The following HTRA4 variants were observed in gnomAD, a reference collection of about 807,000 sequenced individuals.
HTRA4 encodes the protein HtrA serine peptidase 4.
In HTRA4, 46 loss-of-function variants were observed where a neutral mutation model predicts 49.1. That is an observed-to-expected ratio of 0.94 (90% CI 0.74 to 1.20). The LOEUF (loss-of-function observed/expected upper bound fraction) is 1.20. Among genes scored for constraint, HTRA4 ranks in the 50% most tolerant of loss-of-function variants. HTRA4 has a pLI of 0.00. For missense variants in HTRA4, 602 were observed against 636.9 expected (o/e 0.95, Z 0.59); for synonymous variants, 261 against 264.0 (o/e 0.99, Z 0.11).
chr8:38,985,534 C>T (rs1439368068), intron 8 of HTRA4, among the ~76,000 whole-genome samples: 2 of 152,208 alleles, frequency 1.3e-5, no homozygotes, highest in Non-Finnish European at 2.9e-5. Context: ...TATGGCACCA[C>T]TTTCACTGGG....
At position 38,974,447 on chromosome 8, in the gene HTRA4, G is replaced by C. The variant is rs1054619678; in HGVS notation, c.184G>C (p.Val62Leu). The stretch of plus-strand genomic sequence containing the variant: ...CACCTGCGCGCTGGGGACCACGCCG[G>C]TGTTCGACCTGTGCCGCTGTTGCCG... Reference protein sequence around the residue: ...LPTCALGTTPVFDLCRCCRVC... With the variant: ...LPTCALGTTPLFDLCRCCRVC... The change falls in exon 1 of 9, where the codon GTG (valine) becomes CTG (leucine). Residue 62 changes from valine to leucine, a missense_variant. Physicochemically the swap from Val to Leu is conservative, Grantham distance 32. Coordinates refer to ENST00000302495, the MANE Select transcript of HTRA4 (RefSeq NM_153692.4). 1.4e-5 allele frequency: 21 copies of C among 1,542,230 alleles called. No individual in the cohort carries two copies. The highest frequency in any genetic ancestry group is 1.8e-5 in the Non-Finnish European group (21 of 1,148,284).
chr8:38,983,069 T>C lies in HTRA4; in HGVS notation c.1268+21T>C, dbSNP rs200212415. The stretch of plus-strand genomic sequence containing the variant: ...CAAAGGTAAGAGAAGTGAAGGCCTT[T>C]GTCATCTACCTTTGCTTTTTCTAAA... On this transcript the variant is annotated intron_variant, in intron 8 of 8. Transcript: ENST00000302495. 6.2e-5 allele frequency: 95 copies of C among 1,528,828 alleles called. No individual in the cohort carries two copies. The African/African-American group carries it at 1.1e-3, about 18-fold the overall frequency. The allele number at this position is 1,528,828 out of a possible 1,614,324, so 94.7% of individuals were successfully genotyped here.
At chr8:38,978,206 G>A in intron 4 of HTRA4, 59 bp downstream of exon 4, 3 of 1,431,774 alleles carry the variant, frequency 2.1e-6, no homozygotes, top group Non-Finnish European at 2.8e-6. Context: ...ACAGGTCCAT[G>A]GCCTGTTAGG....
chr8:38,976,887 TTTTA>T, intron 3 of HTRA4, 148 bp downstream of exon 3: 1 of 761,232 alleles, frequency 1.3e-6, no homozygotes, highest in Non-Finnish European at 2.1e-6. Flanking sequence ...TTACTCCCTC[TTTTA>T]TTTATTTGCT....
chr8:38,976,377 A>C (rs1168121463), intron 2 of HTRA4, among the ~76,000 whole-genome samples, 158 bp from the exon 3 acceptor site: 1 of 152,190 alleles, frequency 6.6e-6, no homozygotes, highest in African/African-American at 2.4e-5. Context: ...CAGCTTGGGC[A>C]ACAGAGCGAG....
intron 6 of HTRA4, 134 bp from the exon 7 acceptor site, chr8:38,982,364 T>C: frequency 1.4e-6 from 1 of 711,276 alleles, no homozygotes; most frequent in Non-Finnish European, 2.4e-6. Flanking sequence ...AAAGGTTCTC[T>C]GAAGCCTGTG....
chr8:38,974,602 G>A lies in HTRA4; in HGVS notation c.339G>A (p.Gly113=). Residue 113 remains glycine (G), a synonymous_variant, in exon 1 of 9, where the codon GGG becomes GGA. Coordinates refer to ENST00000302495, the MANE Select transcript of HTRA4 (RefSeq NM_153692.4). ...PSTCGCPTLG[G]AVCGSDRRTY... ...CCTGCGGTTGCCCGACGCTGGGAGG[G>A]GCCGTGTGCGGCAGCGACAGGCGCA... 1 of 1,425,924 alleles carries A rather than the reference G, an allele frequency of 7.0e-7. No individual in the cohort carries two copies. The highest frequency in any genetic ancestry group is 9.1e-7 in the Non-Finnish European group (1 of 1,096,570). 88.3% of individuals were successfully genotyped at this position (1,425,924 alleles called of 1,614,324 possible).
intron 6 of HTRA4, among the ~76,000 whole-genome samples, chr8:38,982,034 G>C (rs1425989666): frequency 6.6e-6 from 1 of 152,036 alleles, no homozygotes; most frequent in African/African-American, 2.4e-5. Context: ...TTTCAGTAGA[G>C]ACGGGGTTTC....
intron 5 of HTRA4, among the ~76,000 whole-genome samples, chr8:38,979,997 A>C (rs891453742): frequency 1.3e-5 from 2 of 152,068 alleles, no homozygotes; most frequent in Non-Finnish European, 2.9e-5. Context: ...TATAGATGAG[A>C]GAAAAGCCAC....
At chr8:38,985,922 A>G (rs1219107285) in intron 8 of HTRA4, among the ~76,000 whole-genome samples, 2 of 152,228 alleles carry the variant, frequency 1.3e-5, no homozygotes, top group Non-Finnish European at 2.9e-5. Context: ...AGGACTGGGC[A>G]TGGTGGCTCA....
chr8:38,980,653 G>A (rs1040104118), intron 5 of HTRA4, among the ~76,000 whole-genome samples: 1 of 151,654 alleles, frequency 6.6e-6, no homozygotes, highest in East Asian at 1.9e-4. Context: ...CAGGAGAATC[G>A]CTTGAACCCG....
chr8:38,982,859 CT>C (rs1564180571), intron 7 of HTRA4, 93 bp from the exon 8 acceptor site: 1 of 806,580 alleles, frequency 1.2e-6, no homozygotes, highest in Non-Finnish European at 2.0e-6. Context: ...CCTTGTGAAC[CT>C]TGAGCAGAAC....
rs1445729323 is a variant in HTRA4, at chr8:38,974,497, A to C, written c.234A>C (p.Glu78Asp). 6.7e-7 allele frequency: 1 copy of C among 1,503,634 alleles called. No homozygotes were observed. Among genetic ancestry groups the C allele is most frequent in the East Asian group, 2.6e-5 (1 of 38,060 alleles). The allele number at this position is 1,503,634 out of a possible 1,614,324, so 93.1% of individuals were successfully genotyped here. The change falls in exon 1 of 9, where the codon GAA (glutamate) becomes GAC (aspartate). Residue 78 changes from glutamate to aspartate, a missense_variant. Physicochemically the swap from Glu to Asp is conservative, Grantham distance 45. Transcript: ENST00000302495. ...CCRVCPAAEREVCGGAQGQPC... is the reference protein window; with the variant it reads ...CCRVCPAAERDVCGGAQGQPC... ...GCGTCTGCCCCGCGGCCGAGCGTGA[A>C]GTCTGCGGCGGGGCGCAGGGCCAAC... is the stretch of plus-strand genomic sequence containing the variant.
intron 5 of HTRA4, among the ~76,000 whole-genome samples, chr8:38,979,589 T>G (rs1000470868): frequency 6.6e-6 from 1 of 152,224 alleles, no homozygotes; most frequent in Admixed American, 6.5e-5. Flanking sequence ...CTGAGAACAC[T>G]AGGGTTCTAG....
At chr8:38,981,082 T>G (rs1020494845) in intron 5 of HTRA4, among the ~76,000 whole-genome samples, 11 of 128,080 alleles carry the variant, frequency 8.6e-5, no homozygotes, top group Middle Eastern at 3.7e-3. Flanking sequence ...TTTTTTTTTT[T>G]TTTTTTTTTT....
At position 38,975,085 on chromosome 8, in the gene HTRA4, T is replaced by A. The variant is rs1334793595; in HGVS notation, c.521T>A (p.Val174Glu). The A allele has an allele frequency of 6.2e-7, 1 of 1,613,696 alleles. No homozygotes were observed. The highest frequency in any genetic ancestry group is 1.7e-5 in the Admixed American group (1 of 59,986). The change falls in exon 2 of 9, where the codon GTG (valine) becomes GAG (glutamate). Residue 174 changes from valine (V) to glutamate (E), a missense_variant. Physicochemically the swap from Val to Glu is moderately radical, Grantham distance 121 (BLOSUM62 -2). Coordinates refer to ENST00000302495, the MANE Select transcript of HTRA4 (RefSeq NM_153692.4). Reference protein sequence around the residue: ...RRNYNFIAAVVEKVAPSVVHV... With the variant: ...RRNYNFIAAVEEKVAPSVVHV... ...AATTACAACTTCATCGCCGCGGTGG[T>A]GGAGAAGGTGGCGCCATCGGTGGTT...
intron 8 of HTRA4, among the ~76,000 whole-genome samples, chr8:38,985,418 C>T (rs898130874): frequency 6.6e-6 from 1 of 152,220 alleles, no homozygotes; most frequent in Admixed American, 6.5e-5. Context: ...CTCGGGCTCC[C>T]AAAGTGCTGG....
At chr8:38,982,192 T>G (rs1293376297) in intron 6 of HTRA4, among the ~76,000 whole-genome samples, 1 of 152,192 alleles carries the variant, frequency 6.6e-6, no homozygotes, top group Non-Finnish European at 1.5e-5. Flanking sequence ...GTCACTCATT[T>G]GTACTCAGCT....
intron 8 of HTRA4, 105 bp from the exon 9 acceptor site, chr8:38,987,831 G>A (rs1835502626): frequency 1.0e-6 from 1 of 987,214 alleles, no homozygotes; most frequent in South Asian, 2.1e-5. Context: ...TATGCTTAAT[G>A]CCAGCAAAAT....
Sources: gnomAD v4.1 joint callset for allele counts (sites outside exome capture counted in the v4.1 genomes callset) on GRCh38, gnomAD v4.1.1 for gene constraint, MANE v1.5 for transcripts, NCBI Gene and HGNC (gene_info 2026-07-23, HGNC 2026-07-21) for gene names.